Variants in LRRIQ1 observed in about 807,000 individuals in gnomAD.
LRRIQ1 encodes the protein leucine-rich repeat- and IQ domain-containing protein 1.
LRRIQ1 carries 210 observed loss-of-function variants against 211.9 expected under a neutral mutation model. The observed-to-expected ratio is 0.99, with a 90% confidence interval of 0.89 to 1.11. LRRIQ1 has a LOEUF of 1.11. Among genes scored for constraint, LRRIQ1 ranks in the 50% most tolerant of loss-of-function variants. The pLI is 0.00. For synonymous variants in LRRIQ1, 699 were observed against 650.1 expected, an observed-to-expected ratio of 1.08 and a Z score of -1.14; for missense variants, 2,136 against 1,939.5, an observed-to-expected ratio of 1.10 and a Z score of -1.90.
Position 85,038,387 on chromosome 12 carries a change from G to T in LRRIQ1, c.132+79G>T, listed in dbSNP as rs1268850898. 2.7e-6 allele frequency: 3 copies of T among 1,106,104 alleles called. No individual in the cohort carries two copies. In the Admixed American group the frequency reaches 9.2e-5, roughly 34 times the overall value. 68.5% of individuals were successfully genotyped at this position (1,106,104 alleles called of 1,614,324 possible). A position where few individuals can be genotyped will look rare whatever the true frequency, so the allele number is the denominator to read the frequency against. On this transcript the variant is annotated intron_variant, in intron 2 of 26. Transcript: ENST00000393217. ...ATTACTTTTCTCAGGATGTTTTTAT[G>T]TACTTCTCATTTTTAGCAGCATTGT...
intron 24 of LRRIQ1, among the ~76,000 whole-genome samples, chr12:85,221,335 A>G (rs979022154): frequency 3.3e-5 from 5 of 152,182 alleles, no homozygotes; most frequent in Admixed American, 6.6e-5. Flanking sequence ...TAATTATTTT[A>G]TTTCACAAAT....
At position 85,217,644 on chromosome 12, in the gene LRRIQ1, A is replaced by G. The variant is rs1182327047; in HGVS notation, c.4823-11873A>G. Reference sequence around the variant, plus strand: ...TGTATATATGTATATATGTATATATATGTGTATATGTATATATGTATATAT... The same window carrying G: ...TGTATATATGTATATATGTATATATGTGTGTATATGTATATATGTATATAT... On this transcript the variant is annotated intron_variant, in intron 24 of 26. Coordinates refer to ENST00000393217, the MANE Select transcript of LRRIQ1 (RefSeq NM_001079910.2). Among the ~76,000 whole-genome samples the G allele has an allele frequency of 3.7e-5, 5 of 136,418 alleles. No homozygotes were observed. The East Asian group carries it at 5.9e-4, about 16-fold the overall frequency. The allele number at this position is 136,418 out of a possible 152,430, so 89.5% of individuals were successfully genotyped here.
At chr12:85,110,024 G>A (rs1398057203) in intron 15 of LRRIQ1, among the ~76,000 whole-genome samples, 1 of 151,950 alleles carries the variant, frequency 6.6e-6, no homozygotes, top group African/African-American at 2.4e-5. Context: ...AGTCTCATGG[G>A]GTGGTTATGA....
At chr12:85,152,151 T>C in intron 19 of LRRIQ1, 129 bp from the exon 20 acceptor site, 1 of 672,498 alleles carries the variant, frequency 1.5e-6, no homozygotes, top group Non-Finnish European at 2.4e-6. Context: ...CAATAGTAAG[T>C]AGAAAATTTC....
chr12:85,186,523 A>G (rs1892235454), intron 24 of LRRIQ1, among the ~76,000 whole-genome samples: 1 of 152,126 alleles, frequency 6.6e-6, no homozygotes, highest in Admixed American at 6.6e-5. Flanking sequence ...CTGCCTGCAT[A>G]GATTTGTCAG....
At position 85,236,817 on chromosome 12, in the gene LRRIQ1, A is replaced by G. The variant is rs1023529419; in HGVS notation, c.5016+4061A>G. On this transcript the variant is annotated intron_variant, in intron 26 of 26. Transcript: ENST00000393217. ...TGTATATATATTTCTGGATATATGT[A>G]TGTGTATGTGTGCATATATATATAT... Among the ~76,000 whole-genome samples, 4 of 129,814 alleles carry G rather than the reference A, an allele frequency of 3.1e-5. No individual in the cohort carries two copies. In the East Asian group the frequency reaches 9.3e-4, roughly 30 times the overall value. 85.2% of individuals were successfully genotyped at this position (129,814 alleles called of 152,430 possible).
At chr12:85,078,267 T>A (rs1194241590) in intron 11 of LRRIQ1, among the ~76,000 whole-genome samples, 1 of 152,174 alleles carries the variant, frequency 6.6e-6, no homozygotes, top group Non-Finnish European at 1.5e-5. Flanking sequence ...ATAATAGCTA[T>A]CATTTTTAGT....
intron 19 of LRRIQ1, among the ~76,000 whole-genome samples, chr12:85,151,839 TA>T (rs986159571): frequency 6.6e-6 from 1 of 151,374 alleles, no homozygotes; most frequent in Non-Finnish European, 1.5e-5. Flanking sequence ...TTTGTGAAAA[TA>T]AAAAAAATTT....
chr12:85,199,864 T>G (rs1040586023), intron 24 of LRRIQ1, among the ~76,000 whole-genome samples: 3 of 152,270 alleles, frequency 2.0e-5, no homozygotes, highest in Middle Eastern at 3.4e-3. Flanking sequence ...GAAGAGATTT[T>G]GGGTGGGAAC....
At chr12:85,138,252 T>G (rs1419905991) in intron 19 of LRRIQ1, among the ~76,000 whole-genome samples, 1 of 151,540 alleles carries the variant, frequency 6.6e-6, no homozygotes, top group African/African-American at 2.4e-5. Flanking sequence ...TATGATCTAA[T>G]CAACCTTATC....
At chr12:85,191,177 C>G (rs1892492883) in intron 24 of LRRIQ1, among the ~76,000 whole-genome samples, 1 of 151,958 alleles carries the variant, frequency 6.6e-6, no homozygotes, top group Non-Finnish European at 1.5e-5. Flanking sequence ...CATTATCACC[C>G]AAAGTCCATA....
At chr12:85,089,057 G>A (rs560305108) in intron 11 of LRRIQ1, among the ~76,000 whole-genome samples, 1 of 152,160 alleles carries the variant, frequency 6.6e-6, no homozygotes, top group African/African-American at 2.4e-5. Context: ...TGCCCATTCA[G>A]TGTGATATTG....
At chr12:85,266,368 C>T (rs1033170870), downstream of LRRIQ1, among the ~76,000 whole-genome samples, 1 of 151,970 alleles carries the variant, frequency 6.6e-6, no homozygotes, top group African/African-American at 2.4e-5. Flanking sequence ...ACAGCAGTCG[C>T]GTAAGTGAAT....
chr12:85,103,705 T>C (rs747138623), intron 13 of LRRIQ1, among the ~76,000 whole-genome samples: 1 of 151,708 alleles, frequency 6.6e-6, no homozygotes, highest in Non-Finnish European at 1.5e-5. Flanking sequence ...AAATAGCGAA[T>C]ACACATGAAA....
rs868748671 is a variant in LRRIQ1, at chr12:85,057,152, C to T, written c.2359C>T (p.Leu787Phe). 2.6e-6 allele frequency: 4 copies of T among 1,560,546 alleles called. No individual in the cohort carries two copies. The East Asian group carries it at 6.8e-5, about 27-fold the overall frequency. Residue 787 changes from leucine (L) to phenylalanine (F), a missense_variant, in exon 8 of 27, where the codon CTT becomes TTT. Coordinates refer to ENST00000393217, the MANE Select transcript of LRRIQ1 (RefSeq NM_001079910.2). ...ACCCGCTTTGGATAAACTGGAAATT[C>T]TTCGATGTGGCCCTTGGGATACTTT... ...MTPALDKLEI[L>F]RCGPWDTLQQ... is the part of the protein sequence containing the mutation.
rs748636666 is a variant in LRRIQ1 at position 85,065,357 on chromosome 12, A to G, written c.2487A>G (p.Gly829=). 6.2e-7 allele frequency: 1 copy of G among 1,610,990 alleles called. No individual in the cohort carries two copies. The highest frequency in any genetic ancestry group is 1.3e-5 in the African/African-American group (1 of 74,780). Residue 829 remains glycine (G), a synonymous_variant, in exon 9 of 27, where the codon GGA becomes GGG. Coordinates refer to ENST00000393217, the MANE Select transcript of LRRIQ1 (RefSeq NM_001079910.2). ...NLQFLSLRRC[G]LTSLHSLSNC... Reference sequence around the variant, plus strand: ...AGTTTCTATCCCTTCGACGCTGTGGATTAACTTCTTTGCACAGCCTGAGTA... The same window carrying G: ...AGTTTCTATCCCTTCGACGCTGTGGGTTAACTTCTTTGCACAGCCTGAGTA...
chr12:85,123,185 C>T (rs879818011), intron 16 of LRRIQ1, among the ~76,000 whole-genome samples: 13 of 151,850 alleles, frequency 8.6e-5, no homozygotes, highest in Non-Finnish European at 1.6e-4. Flanking sequence ...TCTAAAATTA[C>T]CTTTGTGAAC....
At chr12:85,235,363 G>A (rs1270780130) in intron 26 of LRRIQ1, among the ~76,000 whole-genome samples, 1 of 152,158 alleles carries the variant, frequency 6.6e-6, no homozygotes, top group Admixed American at 6.6e-5. Flanking sequence ...TTTGAATGCA[G>A]AGAGTTTATT....
chr12:85,072,871 T>G, intron 10 of LRRIQ1, 36 bp from the exon 11 acceptor site: 1 of 1,477,556 alleles, frequency 6.8e-7, no homozygotes, highest in Non-Finnish European at 9.2e-7. Flanking sequence ...TTAATTCGTC[T>G]TATATATTTG....
Sources: gnomAD v4.1 joint callset for allele counts (sites outside exome capture counted in the v4.1 genomes callset) on GRCh38, gnomAD v4.1.1 for gene constraint, MANE v1.5 for transcripts, NCBI Gene and HGNC (gene_info 2026-07-23, HGNC 2026-07-21) for gene names.